MID1: variants seen among roughly 807,000 people sequenced by gnomAD.
MID1 encodes midline 1, also known as E3 ubiquitin-protein ligase Midline-1.
MID1 carries 7 observed loss-of-function variants against 40.4 expected under a neutral mutation model. The ratio of observed to expected loss-of-function variants is 0.17; its 90% CI spans 0.10 to 0.33. The LOEUF (loss-of-function observed/expected upper bound fraction) is 0.33. Among genes scored for constraint, MID1 ranks in the 10% least tolerant of loss-of-function variants. The pLI, the probability that MID1 is intolerant of heterozygous loss-of-function variation, is 1.00. For synonymous variants in MID1, 229 were observed against 221.2 expected (o/e 1.04, Z -0.31); for missense variants, 367 against 558.5 (o/e 0.66, Z 3.46).
intron 1 of MID1, among the ~76,000 whole-genome samples, chrX:10,684,950 CT>C (rs2147072365): frequency 9.0e-6 from 1 of 111,342 alleles, no homozygotes; most frequent in Non-Finnish European, 1.9e-5. Flanking sequence ...ATCTGTTTTT[CT>C]GGACATTTCA....
intron 1 of MID1, among the ~76,000 whole-genome samples, chrX:10,639,800 G>A (rs1422891958): frequency 4.5e-5 from 5 of 112,157 alleles, no homozygotes; most frequent in African/African-American, 6.5e-5. Flanking sequence ...AAGCCCATCA[G>A]ACTAACAGCT....
intron 1 of MID1, among the ~76,000 whole-genome samples, chrX:10,721,898 T>C (rs2043358243): frequency 9.0e-6 from 1 of 110,552 alleles, no homozygotes; most frequent in East Asian, 2.8e-4. Flanking sequence ...GCAAGATTAC[T>C]GTCACTACAA....
intron 1 of MID1, among the ~76,000 whole-genome samples, chrX:10,793,866 T>A (rs1338517129): frequency 1.8e-5 from 2 of 111,789 alleles, no homozygotes; most frequent in Admixed American, 1.9e-4. Flanking sequence ...CACAATTCAC[T>A]CTATTTTAAT....
intron 1 of MID1, among the ~76,000 whole-genome samples, chrX:10,660,045 T>C (rs1477667252): frequency 8.9e-6 from 1 of 112,219 alleles, no homozygotes; most frequent in African/African-American, 3.2e-5. Context: ...TCCATTTCTA[T>C]CACAGCCATG....
intron 3 of MID1, among the ~76,000 whole-genome samples, chrX:10,511,534 C>T (rs908004616): frequency 3.6e-5 from 4 of 111,210 alleles, no homozygotes; most frequent in African/African-American, 1.3e-4. Context: ...CAGGCAAGAA[C>T]CTCCACTCAC....
chrX:10,792,586 TACA>T (rs2043940254), intron 1 of MID1, among the ~76,000 whole-genome samples: 1 of 112,009 alleles, frequency 8.9e-6, no homozygotes, highest in Non-Finnish European at 1.9e-5. Flanking sequence ...AGGAGTTAAT[TACA>T]ACATGAATGA....
intron 1 of MID1, among the ~76,000 whole-genome samples, chrX:10,613,724 TATATATATAGAGAGAGAGAGAGAG>T (rs1273628361): frequency 3.7e-5 from 2 of 54,529 alleles, no homozygotes; most frequent in Non-Finnish European, 6.3e-5. Flanking sequence ...TATATATATA[TATATATATAGAGAGAGAGAGAGAG>T]AGAGAGAGAG....
intron 1 of MID1, among the ~76,000 whole-genome samples, chrX:10,641,774 A>T (rs1936199585): frequency 8.9e-6 from 1 of 112,056 alleles, no homozygotes; most frequent in East Asian, 2.8e-4. Context: ...TCAATAAAAT[A>T]CTGGCAAACC....
Position 10,533,734 on chromosome X carries a change from C to T in MID1, c.661-10547G>A, listed in dbSNP as rs766933274. ...GATGTCTTAAATTATGGATAAAATG[C>T]AATGATTGAATAAATTCCTGTTTTA... is the stretch of plus-strand genomic sequence containing the variant. On this transcript the variant is annotated intron_variant, in intron 2 of 9. Coordinates refer to ENST00000317552, the MANE Select transcript of MID1 (RefSeq NM_000381.4). Among the ~76,000 whole-genome samples the T allele has an allele frequency of 1.5e-4, 17 of 111,550 alleles. No individual in the cohort carries two copies. The South Asian group carries it at 3.0e-3, about 20-fold the overall frequency.
At chrX:10,648,999 C>T (rs187093574) in intron 1 of MID1, among the ~76,000 whole-genome samples, 1 of 112,134 alleles carries the variant, frequency 8.9e-6, no homozygotes, top group African/African-American at 3.2e-5. Context: ...AAGTTCACAA[C>T]TTTGTTCATG....
intron 1 of MID1, among the ~76,000 whole-genome samples, chrX:10,594,021 GA>G (rs1569121073): frequency 9.0e-6 from 1 of 111,455 alleles, no homozygotes; most frequent in Admixed American, 9.6e-5. Flanking sequence ...CTTAGAGGGA[GA>G]AAAGATCAAT....
At chrX:10,493,066 A>T (rs1423585583) in intron 4 of MID1, among the ~76,000 whole-genome samples, 1 of 111,839 alleles carries the variant, frequency 8.9e-6, no homozygotes, top group African/African-American at 3.3e-5. Flanking sequence ...AGGGCTCTCA[A>T]TGCTGCCCAC....
At chrX:10,620,788 C>T (rs148759219), upstream of MID1, among the ~76,000 whole-genome samples, 527 of 112,409 alleles carry the variant, frequency 4.7e-3, 3 homozygotes, top group African/African-American at 0.016. Flanking sequence ...AGCTCTAGTT[C>T]TGCTAAAAGC....
chrX:10,553,260 G>GA (rs1327357712), intron 2 of MID1, among the ~76,000 whole-genome samples: 2 of 97,566 alleles, frequency 2.0e-5, no homozygotes, highest in South Asian at 4.2e-4. Flanking sequence ...AAAAAAAAAA[G>GA]AAATAAAAAA....
intron 2 of MID1, among the ~76,000 whole-genome samples, chrX:10,536,238 C>A (rs1205961837): frequency 9.0e-6 from 1 of 111,247 alleles, no homozygotes; most frequent in African/African-American, 3.3e-5. Flanking sequence ...CAAAACAAAA[C>A]AAAAACAAAG....
chrX:10,610,651 T>C (rs1160338059), intron 1 of MID1, among the ~76,000 whole-genome samples: 1 of 111,859 alleles, frequency 8.9e-6, no homozygotes, highest in African/African-American at 3.3e-5. Flanking sequence ...GAAATTGATA[T>C]CACAACAGGA....
chrX:10,563,179 C>CT (rs1934406890), intron 2 of MID1, among the ~76,000 whole-genome samples: 1 of 111,726 alleles, frequency 9.0e-6, no homozygotes, highest in South Asian at 3.7e-4. Flanking sequence ...TTAATTTGAA[C>CT]TTTTAAATCA....
intron 7 of MID1, among the ~76,000 whole-genome samples, chrX:10,466,986 C>T (rs1445287597): frequency 9.0e-6 from 1 of 111,295 alleles, no homozygotes; most frequent in Non-Finnish European, 1.9e-5. Flanking sequence ...TATAATTCCC[C>T]GTGTGTGGAA....
At chrX:10,476,368 T>C (rs1930011882) in intron 5 of MID1, among the ~76,000 whole-genome samples, 1 of 110,946 alleles carries the variant, frequency 9.0e-6, no homozygotes, top group Admixed American at 9.5e-5. Flanking sequence ...AGTCTCACTA[T>C]GTTGCCCAGG....
Sources: allele counts gnomAD v4.1 joint callset (sites outside exome capture counted in the v4.1 genomes callset), GRCh38; gene constraint gnomAD v4.1.1; transcripts MANE v1.5; gene names NCBI Gene and HGNC (gene_info 2026-07-23, HGNC 2026-07-21).